The following SCNN1D variants were observed in gnomAD, a reference collection of about 807,000 sequenced individuals.
SCNN1D encodes the protein epithelial sodium channel subunit delta.
Under a neutral mutation model 87.8 loss-of-function variants are expected in SCNN1D, and 104 were observed. The ratio of observed to expected loss-of-function variants is 1.18; its 90% CI spans 1.01 to 1.39. SCNN1D has a LOEUF of 1.39. Ranked by LOEUF, SCNN1D falls within the 40% of genes most tolerant of loss-of-function variation. SCNN1D has a pLI of 0.00. For missense variants in SCNN1D, 1,324 were observed against 1,093.9 expected (o/e 1.21, Z -2.97); for synonymous variants, 628 against 481.2 (o/e 1.31, Z -3.99).
At position 1,287,898 on chromosome 1, in the gene SCNN1D, G is replaced by T. The variant is rs1389636514; in HGVS notation, c.1564-41G>T. 1.3e-6 allele frequency: 2 copies of T among 1,520,620 alleles called. No individual in the cohort carries two copies. The highest frequency in any genetic ancestry group is 2.5e-5 in the East Asian group (1 of 40,394). 94.2% of individuals were successfully genotyped at this position (1,520,620 alleles called of 1,614,324 possible). On this transcript the variant is annotated intron_variant, in intron 11 of 17. Transcript: ENST00000379116. ...CTCCTGCCCAACCTGGGCTTTGGGG[G>T]GTGAGGGCAGGGCCCATGGAACTGA... is the stretch of plus-strand genomic sequence containing the variant.
intron 1 of SCNN1D, 150 bp downstream of exon 1, chr1:1,280,816 G>A (rs903699835): frequency 1.6e-6 from 1 of 622,222 alleles, no homozygotes; most frequent in East Asian, 2.8e-5. Flanking sequence ...CAGCCCACAC[G>A]CACCTTACTC....
rs759048897 is a variant in SCNN1D, at chr1:1,291,349, T to C, written c.2148T>C (p.Asp716=). Residue 716 remains aspartate, a synonymous_variant, in exon 18 of 18, where the codon GAT becomes GAC. Coordinates refer to ENST00000379116, the MANE Select transcript of SCNN1D (RefSeq NM_001130413.4). ...TGGAGCTCCTGGAGCTGCTGCTCGA[T>C]GCTTCTGCCCTCACCCTGGTGCTAG... The part of the protein sequence containing the change: ...SLLELLELLL[D]ASALTLVLGG... 4.5e-5 allele frequency: 72 copies of C among 1,606,780 alleles called. No individual in the cohort carries two copies. Among genetic ancestry groups the C allele is most frequent in the Non-Finnish European group, 5.9e-5 (70 of 1,177,892 alleles).
intron 3 of SCNN1D, 99 bp from the exon 4 acceptor site, chr1:1,282,143 G>A (rs753899326): frequency 2.0e-5 from 15 of 734,062 alleles, no homozygotes; most frequent in Admixed American, 2.3e-5. Flanking sequence ...AGCTTGGAGA[G>A]GCACCCCAGC....
Position 1,291,733 on chromosome 1 carries a change from G to A in SCNN1D, c.*123G>A. On this transcript the variant is annotated 3_prime_UTR_variant, in exon 18 of 18. Transcript: ENST00000379116. ...CCAGGAAGCAGCACACGCGGCCGTG[G>A]GGAGGCAGGCACCGGGCATGTCGGC... The A allele has an allele frequency of 1.5e-6, 1 of 666,280 alleles. No individual in the cohort carries two copies. The highest frequency in any genetic ancestry group is 2.3e-6 in the Non-Finnish European group (1 of 429,452). 41.3% of individuals were successfully genotyped at this position (666,280 alleles called of 1,614,324 possible).
chr1:1,290,893 A>G lies in SCNN1D; in HGVS notation c.1918-2A>G. 6.2e-7 allele frequency: 1 copy of G among 1,610,190 alleles called. No homozygotes were observed. Among genetic ancestry groups the G allele is most frequent in the Non-Finnish European group, 8.5e-7 (1 of 1,179,058 alleles). On this transcript the variant is annotated splice_acceptor_variant, in intron 15 of 17. Coordinates refer to ENST00000379116, the MANE Select transcript of SCNN1D (RefSeq NM_001130413.4). LOFTEE classifies it high-confidence loss of function. Reference sequence around the variant, plus strand: ...TGGCCACAGCAAACCTTCCGTCTGCAGGGATGGACTCTGGCCACGCTAGGT... The same window carrying G: ...TGGCCACAGCAAACCTTCCGTCTGCGGGGATGGACTCTGGCCACGCTAGGT...
At position 1,291,063 on chromosome 1, in the gene SCNN1D, A is replaced by C; in HGVS notation, c.1977-2A>C. 1 of 1,604,930 alleles carries C rather than the reference A, an allele frequency of 6.2e-7. No homozygotes were observed. The highest frequency in any genetic ancestry group is 1.1e-5 in the South Asian group (1 of 90,716). ...CGCCCTCATGCCTCTATCCTGCCCC[A>C]GGAGCAGCCTGGCCAAAATCAACAT... On this transcript the variant is annotated splice_acceptor_variant, in intron 16 of 17. Transcript: ENST00000379116. LOFTEE classifies it high-confidence loss of function.
At chr1:1,283,232 G>T (rs892426340) in intron 4 of SCNN1D, among the ~76,000 whole-genome samples, 3 of 152,222 alleles carry the variant, frequency 2.0e-5, no homozygotes, top group African/African-American at 7.2e-5. Flanking sequence ...TCCACACCCA[G>T]ACCCTTGGTG....
In SCNN1D at chr1:1,290,919, G is replaced by C; in HGVS notation, c.1942G>C (p.Glu648Gln). 1 of 1,610,010 alleles carries C rather than the reference G, an allele frequency of 6.2e-7. No homozygotes were observed. Among genetic ancestry groups the C allele is most frequent in the Non-Finnish European group, 8.5e-7 (1 of 1,178,894 alleles). The change falls in exon 16 of 18, where the codon GAA becomes CAA. Residue 648 changes from glutamate (E) to glutamine (Q), a missense_variant. Physicochemically the swap from Glu to Gln is conservative, Grantham distance 29. Transcript: ENST00000379116. ...GGGATGGACTCTGGCCACGCTAGGT[G>C]AACAGGGGCTGCCGCATCAGAGCCA... ...SAGWTLATLG[E>Q]QGLPHQSHRQ...
chr1:1,281,365 G>A, intron 2 of SCNN1D, 46 bp from the exon 3 acceptor site: 1 of 1,531,738 alleles, frequency 6.5e-7, no homozygotes, highest in Non-Finnish European at 8.7e-7. Context: ...AGAGGCATGG[G>A]CCCAAAGGGA....
At chr1:1,282,589 G>A (rs928854947) in intron 4 of SCNN1D, among the ~76,000 whole-genome samples, 1 of 152,174 alleles carries the variant, frequency 6.6e-6, no homozygotes, top group Non-Finnish European at 1.5e-5. Context: ...GAAGACGCCA[G>A]CCTGGGAGAC....
At position 1,291,103 on chromosome 1, in the gene SCNN1D, T is replaced by C. The variant is rs1640798427; in HGVS notation, c.2015T>C (p.Leu672Pro). ...LAKINIVYQE[L>P]NYRSVEEAPV... Reference sequence around the variant, plus strand: ...AAAATCAACATCGTCTACCAGGAGCTCAACTACCGCTCAGTGGAGGAGGCG... The same window carrying C: ...AAAATCAACATCGTCTACCAGGAGCCCAACTACCGCTCAGTGGAGGAGGCG... The change falls in exon 17 of 18, where the codon CTC becomes CCC. Residue 672 changes from leucine to proline, a missense_variant. Leu to Pro is a moderately conservative substitution (Grantham distance 98). Coordinates refer to ENST00000379116, the MANE Select transcript of SCNN1D (RefSeq NM_001130413.4). 6.2e-7 allele frequency: 1 copy of C among 1,611,998 alleles called. No homozygotes were observed. The highest frequency in any genetic ancestry group is 1.1e-5 in the South Asian group (1 of 91,026).
In SCNN1D at chr1:1,291,756, G is replaced by A. The variant is rs748962463; in HGVS notation, c.*146G>A. On this transcript the variant is annotated 3_prime_UTR_variant, in exon 18 of 18. Coordinates refer to ENST00000379116, the MANE Select transcript of SCNN1D (RefSeq NM_001130413.4). ...TGGGGAGGCAGGCACCGGGCATGTC[G>A]GCGCCTCTGGTCAAACCACCTACAC... 6 of 578,960 alleles carry A rather than the reference G, an allele frequency of 1.0e-5. No individual in the cohort carries two copies. The highest frequency in any genetic ancestry group is 5.9e-5 in the South Asian group (2 of 33,914). The allele number at this position is 578,960 out of a possible 1,614,324, so 35.9% of individuals were successfully genotyped here.
At chr1:1,284,556 A>C (rs534676318) in intron 5 of SCNN1D, among the ~76,000 whole-genome samples, 32 of 144,430 alleles carry the variant, frequency 2.2e-4, no homozygotes, top group East Asian at 4.1e-4. Context: ...CGGGGGGTGC[A>C]CAGCGTGTGC....
At chr1:1,288,435 C>T (rs1161773335) in intron 12 of SCNN1D, among the ~76,000 whole-genome samples, 1 of 55,030 alleles carries the variant, frequency 1.8e-5, no homozygotes, top group South Asian at 9.4e-4. Context: ...GTCCCTGCTC[C>T]GTCCCGTGTC....
At position 1,288,039 on chromosome 1, in the gene SCNN1D, T is replaced by G. The variant is rs1055312053; in HGVS notation, c.1662+2T>G. On this transcript the variant is annotated splice_donor_variant, in intron 12 of 17. Transcript: ENST00000379116. LOFTEE classifies it high-confidence loss of function. ...CACAACACCTCCTACACCAGGCAGG[T>G]GAGGCTGGGCTGGCAGGGGGTGCGG... is the stretch of plus-strand genomic sequence containing the variant. 2 of 1,433,174 alleles carry G rather than the reference T, an allele frequency of 1.4e-6. No individual in the cohort carries two copies. Among genetic ancestry groups the G allele is most frequent in the Non-Finnish European group, 1.9e-6 (2 of 1,079,320 alleles). 88.8% of individuals were successfully genotyped at this position (1,433,174 alleles called of 1,614,324 possible).
chr1:1,285,940 GC>G lies in SCNN1D; in HGVS notation c.579del (p.Arg194GlyfsTer167). ...CKQGQAAAQT[P>X]PRPGPPSAPP... The stretch of plus-strand genomic sequence containing the variant: ...TCTGCACACAGGCTGCAGCCCAGAC[GC>G]CCCCCAGGCCGGGGCCACCATCAGC... On this transcript the variant is annotated frameshift_variant, in exon 7 of 18. Coordinates refer to ENST00000379116, the MANE Select transcript of SCNN1D (RefSeq NM_001130413.4). LOFTEE classifies it high-confidence loss of function. The G allele has an allele frequency of 1.9e-6, 3 of 1,548,154 alleles. No homozygotes were observed. Among genetic ancestry groups the G allele is most frequent in the South Asian group, 1.2e-5 (1 of 83,904 alleles).
chr1:1,284,498 A>G (rs1640544452), intron 5 of SCNN1D, among the ~76,000 whole-genome samples: 1 of 150,380 alleles, frequency 6.6e-6, no homozygotes, highest in Admixed American at 6.6e-5. Context: ...CATTGCGGGT[A>G]CATAGTGTGT....
At chr1:1,291,232 C>A in intron 17 of SCNN1D, 22 bp from the exon 18 acceptor site, 1 of 1,562,206 alleles carries the variant, frequency 6.4e-7, no homozygotes, top group Non-Finnish European at 8.7e-7. Flanking sequence ...GCCCGCCCCT[C>A]ACACCCGCAC....
Position 1,290,625 on chromosome 1 carries a change from T to C in SCNN1D, c.1860-12T>C. 6.2e-7 allele frequency: 1 copy of C among 1,612,620 alleles called. No homozygotes were observed. Reference sequence around the variant, plus strand: ...GGTAGCGTGGCAGGTGACACCCGGCTGTCTCTTCCAGGGAGTCTGCATTCA... The same window carrying C: ...GGTAGCGTGGCAGGTGACACCCGGCCGTCTCTTCCAGGGAGTCTGCATTCA... On this transcript the variant is annotated splice_polypyrimidine_tract_variant and intron_variant, in intron 14 of 17. Coordinates refer to ENST00000379116, the MANE Select transcript of SCNN1D (RefSeq NM_001130413.4).
Sources: allele counts gnomAD v4.1 joint callset (sites outside exome capture counted in the v4.1 genomes callset), GRCh38; gene constraint gnomAD v4.1.1; transcripts MANE v1.5; gene names NCBI Gene and HGNC (gene_info 2026-07-23, HGNC 2026-07-21).